The following CNTN3 variants were observed in gnomAD, a reference collection of about 807,000 sequenced individuals.
The protein encoded by CNTN3 is contactin 3.
In CNTN3, 60 loss-of-function variants were observed where a neutral mutation model predicts 119.1. The observed-to-expected ratio is 0.50, with a 90% CI of 0.41 to 0.62. CNTN3 has a LOEUF of 0.62. Ranked by LOEUF, CNTN3 falls within the 20% of genes least tolerant of loss-of-function variation. The pLI is 0.00. For synonymous variants in CNTN3, 450 were observed against 438.7 expected (o/e 1.03, Z -0.32); for missense variants, 1,101 against 1,242.4 (o/e 0.89, Z 1.71).
intron 2 of CNTN3, among the ~76,000 whole-genome samples, chr3:74,512,711 A>AAAAAAAAAAAG: frequency 6.6e-6 from 1 of 150,438 alleles, no homozygotes; most frequent in East Asian, 1.9e-4. Context: ...AAAAAAAAAA[A>AAAAAAAAAAAG]AAAAGAAAGA....
intron 4 of CNTN3, among the ~76,000 whole-genome samples, chr3:74,450,382 C>T (rs1261785339): frequency 6.6e-6 from 1 of 151,834 alleles, no homozygotes; most frequent in East Asian, 1.9e-4. Context: ...TGATAAATTT[C>T]TATGACTCTC....
chr3:74,388,648 G>C (rs921963638), intron 5 of CNTN3, among the ~76,000 whole-genome samples: 4 of 152,076 alleles, frequency 2.6e-5, no homozygotes, highest in African/African-American at 9.7e-5. Flanking sequence ...AGCAAAAATA[G>C]TCTTTGAATA....
chr3:74,276,257 A>C (rs1701877618), intron 20 of CNTN3, among the ~76,000 whole-genome samples: 2 of 152,158 alleles, frequency 1.3e-5, no homozygotes, highest in Non-Finnish European at 2.9e-5. Flanking sequence ...CAAAGAAACA[A>C]TGGTTTTAAA....
At chr3:74,276,064 G>T (rs1368231474) in intron 20 of CNTN3, among the ~76,000 whole-genome samples, 1 of 152,004 alleles carries the variant, frequency 6.6e-6, no homozygotes, top group East Asian at 1.9e-4. Context: ...ATTATATAAT[G>T]GTAAAAGGCC....
intron 4 of CNTN3, among the ~76,000 whole-genome samples, chr3:74,468,748 T>C (rs1702508264): frequency 6.6e-6 from 1 of 152,168 alleles, no homozygotes; most frequent in South Asian, 2.1e-4. Flanking sequence ...TTCTCTAGCA[T>C]AACAAACCTG....
intron 4 of CNTN3, among the ~76,000 whole-genome samples, chr3:74,448,439 T>G (rs548443399): frequency 2.0e-5 from 3 of 152,174 alleles, no homozygotes; most frequent in Non-Finnish European, 4.4e-5. Flanking sequence ...CTCCAAAATG[T>G]GTATTGTATT....
At chr3:74,426,800 T>C (rs553634408) in intron 4 of CNTN3, among the ~76,000 whole-genome samples, 1 of 152,274 alleles carries the variant, frequency 6.6e-6, no homozygotes, top group East Asian at 1.9e-4. Flanking sequence ...AACTAGACCA[T>C]CCAAATGTTT....
At chr3:74,343,045 T>A (rs970810756) in intron 11 of CNTN3, among the ~76,000 whole-genome samples, 1 of 152,220 alleles carries the variant, frequency 6.6e-6, no homozygotes, top group Non-Finnish European at 1.5e-5. Context: ...CCCCTCATAC[T>A]TGACACTACT....
At chr3:74,326,745 TATA>T (rs1306837622) in intron 13 of CNTN3, among the ~76,000 whole-genome samples, 1 of 152,190 alleles carries the variant, frequency 6.6e-6, no homozygotes, top group Non-Finnish European at 1.5e-5. Context: ...GTAGCCCTAA[TATA>T]ATTTTGTCCT....
intron 2 of CNTN3, among the ~76,000 whole-genome samples, chr3:74,517,511 G>A (rs998988016): frequency 6.6e-6 from 1 of 151,896 alleles, no homozygotes; most frequent in Non-Finnish European, 1.5e-5. Context: ...GTACATGTCA[G>A]TAAGTATAAT....
chr3:74,490,311 G>A (rs1294881340), intron 3 of CNTN3, among the ~76,000 whole-genome samples: 1 of 152,166 alleles, frequency 6.6e-6, no homozygotes, highest in African/African-American at 2.4e-5. Flanking sequence ...CACTTTTGAA[G>A]GAAAGACTCT....
chr3:74,323,694 T>C (rs574891285), intron 13 of CNTN3, among the ~76,000 whole-genome samples: 1 of 152,336 alleles, frequency 6.6e-6, no homozygotes, highest in African/African-American at 2.4e-5. Flanking sequence ...TTCTCCTCAT[T>C]TGATATGATT....
At position 74,492,870 on chromosome 3, in the gene CNTN3, T is replaced by C. The variant is rs371477406; in HGVS notation, c.183-6239A>G. Among the ~76,000 whole-genome samples the C allele has an allele frequency of 2.3e-4, 35 of 152,260 alleles. 3 individuals carry two copies. Among genetic ancestry groups the C allele is most frequent in the African/African-American group, 8.4e-4 (35 of 41,564 alleles). Reference sequence around the variant, plus strand: ...GAGTCAAAAGGTGCTTTTCAAAGTATGTAAACTCCACTGGATAATGACTAT... The same window carrying C: ...GAGTCAAAAGGTGCTTTTCAAAGTACGTAAACTCCACTGGATAATGACTAT... On this transcript the variant is annotated intron_variant, in intron 3 of 22. Coordinates refer to ENST00000263665, the MANE Select transcript of CNTN3 (RefSeq NM_020872.3).
At chr3:74,348,215 A>G (rs1703737168) in intron 11 of CNTN3, among the ~76,000 whole-genome samples, 1 of 151,762 alleles carries the variant, frequency 6.6e-6, no homozygotes, top group Non-Finnish European at 1.5e-5. Context: ...AATGGTAACT[A>G]TGTGCGGTGA....
chr3:74,400,865 T>C (rs1168872707), intron 5 of CNTN3, among the ~76,000 whole-genome samples: 1 of 152,180 alleles, frequency 6.6e-6, no homozygotes, highest in African/African-American at 2.4e-5. Flanking sequence ...ACTTTAAGGA[T>C]TGATTTGCAC....
chr3:74,345,489 T>C (rs1703667531), intron 11 of CNTN3, among the ~76,000 whole-genome samples: 1 of 152,156 alleles, frequency 6.6e-6, no homozygotes, highest in South Asian at 2.1e-4. Context: ...TAATGAGAAA[T>C]GGTGAGAAAT....
At chr3:74,364,331 T>C in intron 10 of CNTN3, 136 bp downstream of exon 10, 5 of 784,588 alleles carry the variant, frequency 6.4e-6, no homozygotes, top group Middle Eastern at 3.1e-4. Flanking sequence ...GATTAGAAAC[T>C]GAATGATCGT....
chr3:74,507,535 G>A (rs1457073385), intron 2 of CNTN3, among the ~76,000 whole-genome samples: 1 of 151,256 alleles, frequency 6.6e-6, no homozygotes, highest in African/African-American at 2.4e-5. Context: ...ACCATAGTAA[G>A]CAGAAGCCAG....
intron 19 of CNTN3, among the ~76,000 whole-genome samples, chr3:74,292,302 C>T (rs1033144301): frequency 6.6e-6 from 1 of 152,204 alleles, no homozygotes; most frequent in Non-Finnish European, 1.5e-5. Context: ...CAGTGGCTTA[C>T]GCCTGTAATC....
Sources: gnomAD v4.1 joint callset for allele counts (sites outside exome capture counted in the v4.1 genomes callset) on GRCh38, gnomAD v4.1.1 for gene constraint, MANE v1.5 for transcripts, NCBI Gene and HGNC (gene_info 2026-07-23, HGNC 2026-07-21) for gene names.